The following PCDHA2 variants were observed in gnomAD, a reference collection of about 807,000 sequenced individuals.
PCDHA2 encodes protocadherin alpha-2.
Under a neutral mutation model 66.0 loss-of-function variants are expected in PCDHA2, and 58 were observed. The ratio of observed to expected loss-of-function variants is 0.88; its 90% CI spans 0.71 to 1.09. The LOEUF (loss-of-function observed/expected upper bound fraction) is 1.09, where lower values mean the gene tolerates loss of function less well. Among genes scored for constraint, PCDHA2 ranks in the 50% least tolerant of loss-of-function variants. The pLI is 0.00. For synonymous variants in PCDHA2, 634 were observed against 554.0 expected, an observed-to-expected ratio of 1.14 and a Z score of -2.03; for missense variants, 1,267 against 1,242.3, an observed-to-expected ratio of 1.02 and a Z score of -0.30.
intron 1 of PCDHA2, among the ~76,000 whole-genome samples, chr5:140,878,943 T>C (rs968532854): frequency 6.6e-6 from 1 of 152,220 alleles, no homozygotes; most frequent in Non-Finnish European, 1.5e-5. Context: ...AATAAATATA[T>C]GGTATTGAAA....
chr5:140,975,679 A>G (rs1312259048), intron 1 of PCDHA2, among the ~76,000 whole-genome samples: 1 of 152,250 alleles, frequency 6.6e-6, no homozygotes, highest in Non-Finnish European at 1.5e-5. Context: ...TATTAATAAA[A>G]TAGGGTATTT....
chr5:141,001,764 G>A (rs1186356180), intron 3 of PCDHA2, among the ~76,000 whole-genome samples: 1 of 152,160 alleles, frequency 6.6e-6, no homozygotes, highest in East Asian at 1.9e-4. Context: ...GATGGCGGAT[G>A]GTTTTTGCCT....
At chr5:140,823,670 C>G (rs1434393757) in intron 1 of PCDHA2, 4 of 1,614,038 alleles carry the variant, frequency 2.5e-6, no homozygotes, top group Non-Finnish European at 3.4e-6. Flanking sequence ...GAGATCAGCA[C>G]AACACGCTCT....
intron 1 of PCDHA2, chr5:140,822,745 A>T: frequency 6.2e-7 from 1 of 1,613,762 alleles, no homozygotes; most frequent in African/African-American, 1.3e-5. Context: ...TGCCATGGAT[A>T]AAAGTACATT....
At chr5:140,911,339 A>G (rs2075428336) in intron 1 of PCDHA2, among the ~76,000 whole-genome samples, 1 of 152,042 alleles carries the variant, frequency 6.6e-6, no homozygotes, top group Non-Finnish European at 1.5e-5. Flanking sequence ...TTTCCAATCA[A>G]TGCCCTCATT....
chr5:140,840,846 C>A (rs1473721768), intron 1 of PCDHA2, among the ~76,000 whole-genome samples: 5 of 151,994 alleles, frequency 3.3e-5, no homozygotes, highest in Non-Finnish European at 5.9e-5. Flanking sequence ...TAATGCATTT[C>A]TTCCACACGA....
intron 1 of PCDHA2, among the ~76,000 whole-genome samples, chr5:140,943,664 T>G (rs1404337303): frequency 6.6e-6 from 1 of 151,998 alleles, no homozygotes; most frequent in Non-Finnish European, 1.5e-5. Flanking sequence ...GAACAATGTA[T>G]AAAGTGTGAA....
intron 1 of PCDHA2, among the ~76,000 whole-genome samples, chr5:140,906,909 G>A (rs1477484139): frequency 1.3e-5 from 2 of 152,174 alleles, no homozygotes; most frequent in Admixed American, 6.5e-5. Flanking sequence ...TTAAAGGTAG[G>A]AGGAGCCCAA....
intron 1 of PCDHA2, among the ~76,000 whole-genome samples, chr5:140,899,594 G>A (rs1583347259): frequency 1.3e-5 from 2 of 152,238 alleles, no homozygotes; most frequent in Non-Finnish European, 2.9e-5. Flanking sequence ...GTATTTTATT[G>A]AGGACTTTTG....
intron 1 of PCDHA2, chr5:140,848,269 G>A: frequency 2.0e-6 from 1 of 502,308 alleles, no homozygotes; most frequent in Non-Finnish European, 3.5e-6. Context: ...TTTTATTCAT[G>A]AAATATGTAC....
intron 1 of PCDHA2, chr5:140,848,383 C>G (rs1781483118): frequency 8.4e-7 from 1 of 1,197,254 alleles, no homozygotes; most frequent in African/African-American, 1.5e-5. Flanking sequence ...TTCTTTTTCA[C>G]TCTCTCTGTG....
chr5:140,870,271 C>T (rs2051826884), intron 1 of PCDHA2: 1 of 1,614,176 alleles, frequency 6.2e-7, no homozygotes, highest in Non-Finnish European at 8.5e-7. Flanking sequence ...CTCGCTGACG[C>T]CCCACGTTCC....
At chr5:140,883,018 G>A (rs1400637236) in intron 1 of PCDHA2, 4 of 1,614,086 alleles carry the variant, frequency 2.5e-6, no homozygotes, top group Admixed American at 1.7e-5. Flanking sequence ...ATAAAGTGAC[G>A]GTGTTAGAGA....
At chr5:140,961,205 T>C (rs1215243152) in intron 1 of PCDHA2, among the ~76,000 whole-genome samples, 2 of 152,172 alleles carry the variant, frequency 1.3e-5, no homozygotes, top group Non-Finnish European at 2.9e-5. Context: ...GAGGTTGGTA[T>C]TGATGAAGAA....
intron 1 of PCDHA2, chr5:140,876,720 G>C (rs781797133): frequency 2.5e-6 from 4 of 1,614,264 alleles, no homozygotes; most frequent in Non-Finnish European, 3.4e-6. Flanking sequence ...TGGACCGCGA[G>C]AGCGTGTCGG....
At chr5:140,941,255 C>CTTTCTTTCTTTCTTTCTT (rs782490896) in intron 1 of PCDHA2, among the ~76,000 whole-genome samples, 39 of 44,506 alleles carry the variant, frequency 8.8e-4, no homozygotes, top group Middle Eastern at 0.012. Flanking sequence ...TTCTTTCTTT[C>CTTTCTTTCTTTCTTTCTT]TCTTTCTTTC....
In PCDHA2 at chr5:140,811,967, T is replaced by A. The variant is rs201957063; in HGVS notation, c.2388+14615T>A. 4 of 151,530 alleles carry A rather than the reference T, an allele frequency of 2.6e-5. No homozygotes were observed. In the East Asian group the frequency reaches 7.7e-4, roughly 29 times the overall value. The allele number at this position is 151,530 out of a possible 1,614,324, so 9.4% of individuals were successfully genotyped here. On this transcript the variant is annotated intron_variant, in intron 1 of 3. Transcript: ENST00000526136. ...CTGTAGGTTGCCTGTTCACTCTGATTGTAGTTTCTTTTGAAGATTTATTTT... is the reference window on the plus strand; with the variant it reads ...CTGTAGGTTGCCTGTTCACTCTGATAGTAGTTTCTTTTGAAGATTTATTTT...
rs2150360894 is a variant in PCDHA2, at chr5:140,843,474, A to G, written c.2388+46122A>G. 2.5e-6 allele frequency: 4 copies of G among 1,595,796 alleles called. No homozygotes were observed. The East Asian group carries it at 6.7e-5, about 27-fold the overall frequency. ...CTGCTGGTGCTCACGCTGCTGCTGTACACTGCGCTGCGGTGCTCAGCACTG... is the reference window on the plus strand; with the variant it reads ...CTGCTGGTGCTCACGCTGCTGCTGTGCACTGCGCTGCGGTGCTCAGCACTG... On this transcript the variant is annotated intron_variant, in intron 1 of 3. Transcript: ENST00000526136.
In PCDHA2 at chr5:140,963,375, C is replaced by A. The variant is rs1425392684; in HGVS notation, c.2389-15574C>A. On this transcript the variant is annotated intron_variant, in intron 1 of 3. Transcript: ENST00000526136. ...CTTTTCAAAGAACATTAATTGAGCA[C>A]CTCTGTGCCAAGCTCCCTACTGGAT... is the stretch of plus-strand genomic sequence containing the variant. Among the ~76,000 whole-genome samples, 15 of 152,176 alleles carry A rather than the reference C, an allele frequency of 9.9e-5. 1 individual carries two copies. The highest frequency in any genetic ancestry group is 5.2e-4 in the Admixed American group (8 of 15,290).
Sources: gnomAD v4.1 joint callset for allele counts (sites outside exome capture counted in the v4.1 genomes callset) on GRCh38, gnomAD v4.1.1 for gene constraint, MANE v1.5 for transcripts, NCBI Gene and HGNC (gene_info 2026-07-23, HGNC 2026-07-21) for gene names.